MND1: variants seen among roughly 807,000 people sequenced by gnomAD.
MND1 encodes meiotic nuclear division protein 1 homolog.
In MND1, 28 loss-of-function variants were observed where a neutral mutation model predicts 35.1. That is an observed-to-expected ratio of 0.80 (90% CI 0.59 to 1.09). The LOEUF is 1.09. Ranked by LOEUF, MND1 falls within the 50% of genes least tolerant of loss-of-function variation. The pLI is 0.00. For missense variants in MND1, 213 were observed against 239.6 expected, an observed-to-expected ratio of 0.89 and a Z score of 0.73; for synonymous variants, 69 against 70.5, an observed-to-expected ratio of 0.98 and a Z score of 0.11.
chr4:153,399,645 T>G (rs1729290233), intron 6 of MND1, among the ~76,000 whole-genome samples: 2 of 152,102 alleles, frequency 1.3e-5, no homozygotes, highest in Non-Finnish European at 2.9e-5. Context: ...AGAAAAGAAG[T>G]TCAGGGTATA....
intron 4 of MND1, among the ~76,000 whole-genome samples, chr4:153,366,384 T>C (rs1773638501): frequency 6.6e-6 from 1 of 152,210 alleles, no homozygotes; most frequent in Non-Finnish European, 1.5e-5. Flanking sequence ...GGATGAATTT[T>C]TTAAAAATTC....
chr4:153,387,483 G>A (rs549703475), intron 4 of MND1, among the ~76,000 whole-genome samples: 5 of 152,178 alleles, frequency 3.3e-5, no homozygotes, highest in African/African-American at 1.2e-4. Context: ...AACAAGGCCA[G>A]GCTCAGTCAC....
At chr4:153,345,648 A>G (rs1436337068) in intron 1 of MND1, 3 of 692,682 alleles carry the variant, frequency 4.3e-6, no homozygotes. Flanking sequence ...TAATATCTTC[A>G]TTTACTTACG....
At chr4:153,347,844 T>TAAC (rs1773111344) in intron 1 of MND1, among the ~76,000 whole-genome samples, 2 of 152,088 alleles carry the variant, frequency 1.3e-5, no homozygotes, top group South Asian at 4.2e-4. Flanking sequence ...ACAAGTTGCT[T>TAAC]AGGTCTCCAT....
intron 6 of MND1, among the ~76,000 whole-genome samples, chr4:153,403,060 G>A (rs537578421): frequency 7.9e-5 from 12 of 152,076 alleles, no homozygotes; most frequent in Admixed American, 2.0e-4. Context: ...CACTTGAGCC[G>A]AGGAGATCAA....
intron 4 of MND1, chr4:153,363,131 G>A: frequency 2.3e-6 from 1 of 435,676 alleles, no homozygotes; most frequent in Non-Finnish European, 3.1e-6. Context: ...CTGTTTTCCT[G>A]GTGTGCATGT....
chr4:153,361,401 C>A (rs1209551807), intron 4 of MND1: 2 of 452,114 alleles, frequency 4.4e-6, no homozygotes, highest in Non-Finnish European at 8.9e-6. Context: ...CCTTAGTAAT[C>A]TCTCTTCTGT....
At chr4:153,361,272 G>C (rs1773484133) in intron 4 of MND1, among the ~76,000 whole-genome samples, 1 of 152,170 alleles carries the variant, frequency 6.6e-6, no homozygotes, top group Non-Finnish European at 1.5e-5. Context: ...ATTTATCATT[G>C]CTTCCCGAAT....
intron 3 of MND1, among the ~76,000 whole-genome samples, chr4:153,356,648 A>T (rs1374261162): frequency 6.6e-6 from 1 of 151,504 alleles, no homozygotes; most frequent in South Asian, 2.1e-4. Context: ...TACCCATTCA[A>T]GTATCCTTGA....
Position 153,344,715 on chromosome 4 carries a change from G to T in MND1, c.-23G>T, listed in dbSNP as rs1027117652. On this transcript the variant is annotated 5_prime_UTR_variant, in exon 1 of 8. Transcript: ENST00000240488. ...CTCTCCCCAAGCGCGGGCCCGGCCA[G>T]CGGAAGCCCCTGCGCCCGCGCCATG... 2 of 1,588,710 alleles carry T rather than the reference G, an allele frequency of 1.3e-6. No individual in the cohort carries two copies. The highest frequency in any genetic ancestry group is 1.7e-6 in the Non-Finnish European group (2 of 1,168,942).
chr4:153,349,256 A>G (rs1773151718), intron 1 of MND1, among the ~76,000 whole-genome samples: 2 of 152,200 alleles, frequency 1.3e-5, no homozygotes, highest in Non-Finnish European at 2.9e-5. Context: ...AGTTGGCTAA[A>G]GGGTATTACA....
intron 4 of MND1, among the ~76,000 whole-genome samples, chr4:153,367,274 G>A (rs1330765236): frequency 1.3e-5 from 2 of 152,012 alleles, no homozygotes; most frequent in African/African-American, 4.8e-5. Flanking sequence ...AAACAGAAAC[G>A]CTCTACTCTT....
chr4:153,353,224 A>AAGTTCAAT (rs1346805888), intron 2 of MND1, among the ~76,000 whole-genome samples: 1 of 151,852 alleles, frequency 6.6e-6, no homozygotes, highest in Admixed American at 6.6e-5. Flanking sequence ...TACTCGCACT[A>AAGTTCAAT]AGTTCAATGA....
chr4:153,383,675 A>G (rs1023686292), intron 4 of MND1, among the ~76,000 whole-genome samples: 1 of 152,180 alleles, frequency 6.6e-6, no homozygotes, highest in Non-Finnish European at 1.5e-5. Flanking sequence ...TGACTCCTGA[A>G]GCACTCTCCA....
intron 4 of MND1, among the ~76,000 whole-genome samples, chr4:153,360,938 C>A (rs1288799045): frequency 2.0e-5 from 3 of 152,238 alleles, no homozygotes; most frequent in Middle Eastern, 3.4e-3. Context: ...CTCCCAGGCC[C>A]AAGCCATCCT....
intron 7 of MND1, among the ~76,000 whole-genome samples, chr4:153,412,321 A>T (rs1055691991): frequency 6.6e-6 from 1 of 152,178 alleles, no homozygotes; most frequent in African/African-American, 2.4e-5. Context: ...ATGCCGCAAC[A>T]AAACATCACA....
At chr4:153,390,889 A>G (rs867827411) in intron 4 of MND1, among the ~76,000 whole-genome samples, 16 of 139,854 alleles carry the variant, frequency 1.1e-4, no homozygotes, top group East Asian at 4.4e-4. Context: ...AGGTATATAT[A>G]TGTGTGTGTG....
chr4:153,374,291 C>A (rs1188199544), intron 4 of MND1, among the ~76,000 whole-genome samples: 2 of 152,078 alleles, frequency 1.3e-5, no homozygotes, highest in East Asian at 3.8e-4. Context: ...AAACATTTTA[C>A]CAGATACTGA....
intron 4 of MND1, among the ~76,000 whole-genome samples, chr4:153,377,809 A>T (rs961290570): frequency 1.3e-5 from 2 of 152,170 alleles, no homozygotes; most frequent in Admixed American, 6.5e-5. Context: ...TCCGCCATTT[A>T]CATGCTGTGC....
Sources: allele counts gnomAD v4.1 joint callset (sites outside exome capture counted in the v4.1 genomes callset), GRCh38; gene constraint gnomAD v4.1.1; transcripts MANE v1.5; gene names NCBI Gene and HGNC (gene_info 2026-07-23, HGNC 2026-07-21).